ADGRL3: variants seen among roughly 807,000 people sequenced by gnomAD.
The protein encoded by ADGRL3 is adhesion G protein-coupled receptor L3.
Under a neutral mutation model 153.5 loss-of-function variants are expected in ADGRL3, and 62 were observed. The ratio of observed to expected loss-of-function variants is 0.40; its 90% CI spans 0.33 to 0.50. The LOEUF is 0.50. Among genes scored for constraint, ADGRL3 ranks in the 20% least tolerant of loss-of-function variants. The probability of loss-of-function intolerance (pLI) is 0.47; values close to 1 mark genes in which losing one functional copy is unlikely to be tolerated. For missense variants in ADGRL3, 1,641 were observed against 1,859.4 expected (o/e 0.88, Z 2.16); for synonymous variants, 710 against 672.5 (o/e 1.06, Z -0.86).
chr4:61,625,208 T>C (rs190068265), intron 5 of ADGRL3, among the ~76,000 whole-genome samples: 217 of 152,196 alleles, frequency 1.4e-3, no homozygotes, highest in African/African-American at 4.9e-3. Context: ...CCAAGCAGTG[T>C]TCATGCCACT....
intron 9 of ADGRL3, among the ~76,000 whole-genome samples, chr4:61,877,439 A>G (rs2098482285): frequency 6.6e-6 from 1 of 152,228 alleles, no homozygotes; most frequent in Non-Finnish European, 1.5e-5. Flanking sequence ...ACAATTCTTT[A>G]ATAGTGATGA....
At chr4:61,366,928 G>A (rs999221211) in intron 1 of ADGRL3, among the ~76,000 whole-genome samples, 1 of 152,090 alleles carries the variant, frequency 6.6e-6, no homozygotes, top group South Asian at 2.1e-4. Context: ...ACTCAGTTTT[G>A]TAGCACAGTT....
chr4:61,788,087 G>A (rs957773994), intron 8 of ADGRL3, among the ~76,000 whole-genome samples: 1 of 152,130 alleles, frequency 6.6e-6, no homozygotes, highest in African/African-American at 2.4e-5. Context: ...GAATTGTGCT[G>A]CTATAACCAT....
At chr4:61,888,877 G>T (rs1227152188) in intron 9 of ADGRL3, among the ~76,000 whole-genome samples, 1 of 152,110 alleles carries the variant, frequency 6.6e-6, no homozygotes, top group African/African-American at 2.4e-5. Flanking sequence ...AGGATCATTT[G>T]GGGGAGAGGG....
intron 25 of ADGRL3, among the ~76,000 whole-genome samples, chr4:62,065,864 T>C (rs1011571837): frequency 1.3e-5 from 2 of 151,978 alleles, no homozygotes; most frequent in African/African-American, 4.8e-5. Flanking sequence ...ATGTAAGAAT[T>C]TTAAATAATA....
At chr4:61,361,181 T>C (rs2096276770) in intron 1 of ADGRL3, among the ~76,000 whole-genome samples, 1 of 152,188 alleles carries the variant, frequency 6.6e-6, no homozygotes, top group Admixed American at 6.5e-5. Context: ...TGATTTCCTG[T>C]GACTTTTTAA....
intron 18 of ADGRL3, 112 bp downstream of exon 18, chr4:61,979,884 G>A: frequency 1.1e-6 from 1 of 912,298 alleles, no homozygotes; most frequent in East Asian, 2.4e-5. Flanking sequence ...AGTCATCTAA[G>A]ATAGATACTA....
At chr4:61,640,386 C>T (rs1333367410) in intron 5 of ADGRL3, among the ~76,000 whole-genome samples, 1 of 152,070 alleles carries the variant, frequency 6.6e-6, no homozygotes, top group Non-Finnish European at 1.5e-5. Flanking sequence ...TTCATGTTGC[C>T]CCAAAGATCC....
chr4:61,816,165 A>G (rs536606121), intron 9 of ADGRL3, among the ~76,000 whole-genome samples: 11 of 152,320 alleles, frequency 7.2e-5, no homozygotes, highest in African/African-American at 2.2e-4. Flanking sequence ...CAAGATCCCA[A>G]TATGATTTGA....
intron 17 of ADGRL3, among the ~76,000 whole-genome samples, chr4:61,973,768 A>AT (rs2099037857): frequency 2.6e-5 from 4 of 151,958 alleles, no homozygotes; most frequent in African/African-American, 9.7e-5. Context: ...CCCTGACAAA[A>AT]TTTTTTAGTG....
intron 1 of ADGRL3, among the ~76,000 whole-genome samples, chr4:61,265,083 A>G (rs550418916): frequency 2.0e-5 from 3 of 152,086 alleles, no homozygotes; most frequent in Non-Finnish European, 2.9e-5. Context: ...AGACAAAATT[A>G]CAAACTTCAA....
At chr4:61,858,013 T>C (rs181103380) in intron 9 of ADGRL3, among the ~76,000 whole-genome samples, 5 of 152,274 alleles carry the variant, frequency 3.3e-5, no homozygotes, top group African/African-American at 1.2e-4. Context: ...AGGTGGTAAG[T>C]GTAAAGAAAA....
intron 1 of ADGRL3, among the ~76,000 whole-genome samples, chr4:61,231,038 C>T (rs779506604): frequency 3.3e-5 from 5 of 152,044 alleles, no homozygotes; most frequent in Admixed American, 2.6e-4. Context: ...GCTAGGGTGG[C>T]CCTGTAACAT....
intron 24 of ADGRL3, among the ~76,000 whole-genome samples, chr4:62,042,910 C>G (rs1321869055): frequency 6.6e-6 from 1 of 152,062 alleles, no homozygotes; most frequent in African/African-American, 2.4e-5. Context: ...AAGCTCCAAA[C>G]ATAACCACTA....
At chr4:61,839,622 A>G (rs2097995422) in intron 9 of ADGRL3, among the ~76,000 whole-genome samples, 2 of 150,326 alleles carry the variant, frequency 1.3e-5, no homozygotes, top group Admixed American at 1.3e-4. Context: ...TGTTTGGTTG[A>G]TATTGCTTAG....
intron 2 of ADGRL3, among the ~76,000 whole-genome samples, chr4:61,461,282 A>G (rs2097813156): frequency 6.6e-6 from 1 of 152,140 alleles, no homozygotes; most frequent in Non-Finnish European, 1.5e-5. Context: ...GTTAGATAGA[A>G]GTAATAAATT....
Position 61,594,362 on chromosome 4 carries a change from T to C in ADGRL3, c.473+6922T>C, listed in dbSNP as rs149417754. On this transcript the variant is annotated intron_variant, in intron 5 of 26. Transcript: ENST00000683033. The stretch of plus-strand genomic sequence containing the variant: ...TTTTCCTGGATGTTGTTGATACTTA[T>C]AGGTGTTCTTCAGTGTTTGGTAATT... Among the ~76,000 whole-genome samples, 48 of 152,290 alleles carry C rather than the reference T, an allele frequency of 3.2e-4. No homozygotes were observed. The East Asian group carries it at 9.1e-3, about 29-fold the overall frequency.
intron 8 of ADGRL3, among the ~76,000 whole-genome samples, chr4:61,796,049 G>A (rs1561265909): frequency 6.6e-6 from 1 of 152,004 alleles, no homozygotes; most frequent in Non-Finnish European, 1.5e-5. Flanking sequence ...CACTATCTTG[G>A]CCGGGCTGGT....
intron 21 of ADGRL3, among the ~76,000 whole-genome samples, chr4:62,015,338 A>G (rs2099206634): frequency 6.6e-6 from 1 of 152,228 alleles, no homozygotes; most frequent in African/African-American, 2.4e-5. Flanking sequence ...AGATACTTCA[A>G]TGTGCTAACT....
Sources: allele counts gnomAD v4.1 joint callset (sites outside exome capture counted in the v4.1 genomes callset), GRCh38; gene constraint gnomAD v4.1.1; transcripts MANE v1.5; gene names NCBI Gene and HGNC (gene_info 2026-07-23, HGNC 2026-07-21).